Variants in CSMD1 observed in about 807,000 individuals in gnomAD.
CSMD1 encodes the protein CUB and Sushi multiple domains 1.
CSMD1 carries 213 observed loss-of-function variants against 417.5 expected under a neutral mutation model. The ratio of observed to expected loss-of-function variants is 0.51; its 90% CI spans 0.46 to 0.57. CSMD1 has a LOEUF of 0.57. Ranked by LOEUF, CSMD1 falls within the 20% of genes least tolerant of loss-of-function variation. CSMD1 has a pLI of 0.00. For missense variants in CSMD1, 6,923 were observed against 4,529.7 expected, an observed-to-expected ratio of 1.53 and a Z score of -15.17; for synonymous variants, 2,862 against 1,736.8, an observed-to-expected ratio of 1.65 and a Z score of -16.11.
chr8:4,155,322 G>A (rs543024803), intron 3 of CSMD1, among the ~76,000 whole-genome samples: 1 of 152,282 alleles, frequency 6.6e-6, no homozygotes, highest in South Asian at 2.1e-4. Context: ...TCTCGCATTA[G>A]AGTCTCACCT....
chr8:3,906,652 G>C (rs1269590062), intron 5 of CSMD1, among the ~76,000 whole-genome samples: 1 of 148,574 alleles, frequency 6.7e-6, no homozygotes, highest in Admixed American at 6.7e-5. Flanking sequence ...GATTTGCAAA[G>C]TACACCTTGC....
intron 10 of CSMD1, among the ~76,000 whole-genome samples, chr8:3,558,252 T>C (rs1363299830): frequency 3.3e-5 from 5 of 149,586 alleles, no homozygotes; most frequent in South Asian, 2.1e-4. Flanking sequence ...GCCTCAATAG[T>C]ACCCTGTGTC....
rs570956404 is a variant in CSMD1 at position 4,056,756 on chromosome 8, A to G, written c.416-24657T>C. On this transcript the variant is annotated intron_variant, in intron 3 of 69. Transcript: ENST00000635120. ...TGTGTCCATGCGTTCTCATTGTTCA[A>G]TTCCCACCTATGAGTGAGAACATGC... Among the ~76,000 whole-genome samples the G allele has an allele frequency of 5.3e-5, 8 of 151,948 alleles. No homozygotes were observed. The East Asian group carries it at 1.6e-3, about 30-fold the overall frequency.
intron 1 of CSMD1, among the ~76,000 whole-genome samples, chr8:4,885,911 T>A (rs1803706884): frequency 6.6e-6 from 1 of 152,136 alleles, no homozygotes; most frequent in Middle Eastern, 3.2e-3. Context: ...CAAAGATTTA[T>A]GCCTGTGTTT....
At chr8:4,586,055 A>G (rs1164882176) in intron 2 of CSMD1, among the ~76,000 whole-genome samples, 1 of 152,212 alleles carries the variant, frequency 6.6e-6, no homozygotes, top group East Asian at 1.9e-4. Flanking sequence ...GTACGTATAC[A>G]TGGAGTACAC....
chr8:3,314,211 G>A (rs1230872333), intron 23 of CSMD1, among the ~76,000 whole-genome samples: 1 of 152,000 alleles, frequency 6.6e-6, no homozygotes, highest in Non-Finnish European at 1.5e-5. Context: ...CATGGCACAT[G>A]TATACATATG....
chr8:4,003,278 A>C (rs921414726), intron 4 of CSMD1, among the ~76,000 whole-genome samples: 4 of 152,112 alleles, frequency 2.6e-5, no homozygotes, highest in African/African-American at 7.2e-5. Flanking sequence ...TTGTAATCCC[A>C]GCTACTCGCG....
At chr8:3,974,054 G>A (rs375952567) in intron 5 of CSMD1, among the ~76,000 whole-genome samples, 12 of 151,974 alleles carry the variant, frequency 7.9e-5, no homozygotes, top group African/African-American at 2.9e-4. Context: ...ATTGACTATA[G>A]TCTCCTCGTT....
At chr8:4,088,275 T>C (rs1337793034) in intron 3 of CSMD1, among the ~76,000 whole-genome samples, 3 of 152,220 alleles carry the variant, frequency 2.0e-5, no homozygotes, top group Non-Finnish European at 4.4e-5. Context: ...TTCCCACTTC[T>C]CAATTGCATG....
chr8:3,789,894 G>C (rs189955087), intron 5 of CSMD1, among the ~76,000 whole-genome samples: 156 of 152,004 alleles, frequency 1.0e-3, no homozygotes, highest in African/African-American at 3.6e-3. Flanking sequence ...ACCACGCCTG[G>C]CTAATTTTTT....
At chr8:3,588,948 C>G (rs1800719907) in intron 8 of CSMD1, among the ~76,000 whole-genome samples, 1 of 151,958 alleles carries the variant, frequency 6.6e-6, no homozygotes, top group South Asian at 2.1e-4. Context: ...TTAAAGAAGA[C>G]ATAAAAACGA....
chr8:3,308,809 C>T lies in CSMD1; in HGVS notation c.3632-306G>A, dbSNP rs565511113. Among the ~76,000 whole-genome samples, 24 of 148,486 alleles carry T rather than the reference C, an allele frequency of 1.6e-4. No homozygotes were observed. The South Asian group carries it at 5.2e-3, about 32-fold the overall frequency. On this transcript the variant is annotated intron_variant, in intron 23 of 69. Coordinates refer to ENST00000635120, the MANE Select transcript of CSMD1 (RefSeq NM_033225.6). ...CGTGATCTTGCCTCACTGCAACCTC[C>T]ACCTCCCAGGTTCAAGTGATTCTCC... is the stretch of plus-strand genomic sequence containing the variant.
At chr8:4,963,613 C>T (rs1412814845) in intron 1 of CSMD1, among the ~76,000 whole-genome samples, 1 of 152,108 alleles carries the variant, frequency 6.6e-6, no homozygotes, top group African/African-American at 2.4e-5. Flanking sequence ...TCATTTATTT[C>T]CTGTAACTTA....
intron 1 of CSMD1, among the ~76,000 whole-genome samples, chr8:4,922,703 G>C (rs904912230): frequency 2.0e-5 from 3 of 152,156 alleles, no homozygotes; most frequent in Non-Finnish European, 4.4e-5. Flanking sequence ...TCAGATGACA[G>C]ACCAGCCCAT....
intron 3 of CSMD1, among the ~76,000 whole-genome samples, chr8:4,207,924 G>C (rs547517450): frequency 1.3e-5 from 2 of 152,162 alleles, no homozygotes; most frequent in African/African-American, 2.4e-5. Context: ...ATATTAAATA[G>C]TCTATTTCTT....
intron 3 of CSMD1, among the ~76,000 whole-genome samples, chr8:4,207,740 A>G (rs958738187): frequency 1.3e-5 from 2 of 152,090 alleles, no homozygotes; most frequent in East Asian, 3.9e-4. Context: ...AACAGTAGAT[A>G]CTGTAACATT....
intron 5 of CSMD1, among the ~76,000 whole-genome samples, chr8:3,810,591 G>A (rs939591177): frequency 1.7e-4 from 26 of 152,280 alleles, no homozygotes; most frequent in Non-Finnish European, 2.6e-4. Flanking sequence ...AGGCTTCTCC[G>A]ACAGTTCTCC....
chr8:4,457,789 C>T (rs1301709809), intron 2 of CSMD1, among the ~76,000 whole-genome samples: 1 of 152,108 alleles, frequency 6.6e-6, no homozygotes, highest in Non-Finnish European at 1.5e-5. Context: ...CTCCCAAGTC[C>T]CTCTTAGCTG....
At chr8:3,454,510 G>C (rs1342250317) in intron 12 of CSMD1, among the ~76,000 whole-genome samples, 1 of 152,138 alleles carries the variant, frequency 6.6e-6, no homozygotes, top group Admixed American at 6.5e-5. Flanking sequence ...CAGGACTGGT[G>C]GTGACAGAAT....
Sources: allele counts gnomAD v4.1 joint callset (sites outside exome capture counted in the v4.1 genomes callset), GRCh38; gene constraint gnomAD v4.1.1; transcripts MANE v1.5; gene names NCBI Gene and HGNC (gene_info 2026-07-23, HGNC 2026-07-21).